The following UBE4B variants were observed in gnomAD, a reference collection of about 807,000 sequenced individuals.
UBE4B encodes ubiquitination factor E4B, also known as ubiquitin conjugation factor E4 B.
In UBE4B, 27 loss-of-function variants were observed where a neutral mutation model predicts 148.1. The observed-to-expected ratio is 0.18, with a 90% confidence interval of 0.13 to 0.25. The LOEUF is 0.25. Ranked by LOEUF, UBE4B falls within the 10% of genes least tolerant of loss-of-function variation. The pLI, the probability that UBE4B is intolerant of heterozygous loss-of-function variation, is 1.00. For synonymous variants in UBE4B, 596 were observed against 619.3 expected, an observed-to-expected ratio of 0.96 and a Z score of 0.56; for missense variants, 1,170 against 1,662.4, an observed-to-expected ratio of 0.70 and a Z score of 5.15.
At chr1:10,078,538 A>T (rs190323498) in intron 2 of UBE4B, among the ~76,000 whole-genome samples, 2 of 151,692 alleles carry the variant, frequency 1.3e-5, no homozygotes, top group African/African-American at 4.8e-5. Context: ...ATGATTTGTG[A>T]TTGCTTAATC....
In UBE4B at chr1:10,105,541, T is replaced by A; in HGVS notation, c.606T>A (p.Ile202=). ...TATTCTCCGATTTTAAGGACTTGATTGGCCAGATTTTAATGGAAGTGCTAA... is the reference window on the plus strand; with the variant it reads ...TATTCTCCGATTTTAAGGACTTGATAGGCCAGATTTTAATGGAAGTGCTAA... The part of the protein sequence containing the change: ...KEVFSDFKDL[I]GQILMEVLMM... Residue 202 remains isoleucine (I), a synonymous_variant, in exon 6 of 28, where the codon ATT becomes ATA. Transcript: ENST00000343090. The A allele has an allele frequency of 6.2e-7, 1 of 1,614,208 alleles. No homozygotes were observed. The highest frequency in any genetic ancestry group is 8.5e-7 in the Non-Finnish European group (1 of 1,180,044).
At chr1:10,165,755 A>G (rs1646237136) in intron 23 of UBE4B, among the ~76,000 whole-genome samples, 1 of 151,964 alleles carries the variant, frequency 6.6e-6, no homozygotes, top group South Asian at 2.1e-4. Context: ...TCCCTCAGGG[A>G]TACCTTCCCT....
At chr1:10,135,903 T>C (rs1645674728) in intron 16 of UBE4B, among the ~76,000 whole-genome samples, 1 of 152,134 alleles carries the variant, frequency 6.6e-6, no homozygotes, top group Non-Finnish European at 1.5e-5. Context: ...TGGTGATTCA[T>C]AGCAAAAAAT....
chr1:10,043,602 G>C (rs1441549581), intron 1 of UBE4B, among the ~76,000 whole-genome samples: 2 of 151,056 alleles, frequency 1.3e-5, no homozygotes, highest in African/African-American at 4.9e-5. Flanking sequence ...AATTTTTTTT[G>C]TATTTTTAGT....
chr1:10,048,728 C>T (rs760533819), intron 1 of UBE4B, among the ~76,000 whole-genome samples: 7 of 152,156 alleles, frequency 4.6e-5, no homozygotes, highest in Non-Finnish European at 1.0e-4. Context: ...GTTACCTTGA[C>T]AAGACTGATT....
chr1:10,103,726 G>A (rs985629874), intron 5 of UBE4B, among the ~76,000 whole-genome samples: 10 of 151,768 alleles, frequency 6.6e-5, no homozygotes, highest in African/African-American at 1.9e-4. Context: ...CACCTCCTGG[G>A]TTCAAGCAAT....
chr1:10,039,154 A>G (rs1393935650), intron 1 of UBE4B, among the ~76,000 whole-genome samples: 1 of 152,148 alleles, frequency 6.6e-6, no homozygotes, highest in Non-Finnish European at 1.5e-5. Flanking sequence ...GGAATCCAAC[A>G]GTTATAGAAT....
chr1:10,041,106 A>G (rs1399490749), intron 1 of UBE4B, among the ~76,000 whole-genome samples: 1 of 152,066 alleles, frequency 6.6e-6, no homozygotes, highest in African/African-American at 2.4e-5. Context: ...TAGACAAGAG[A>G]CAGAGAATGA....
chr1:10,095,896 T>C (rs577405027), intron 3 of UBE4B, among the ~76,000 whole-genome samples: 1 of 152,270 alleles, frequency 6.6e-6, no homozygotes, highest in Admixed American at 6.5e-5. Context: ...CTCAGCCACC[T>C]GAGTAGCTGG....
In UBE4B at chr1:10,042,044, C is replaced by G. The variant is rs1232079251; in HGVS notation, c.24+8350C>G. Among the ~76,000 whole-genome samples the G allele has an allele frequency of 2.0e-5, 3 of 152,304 alleles. No homozygotes were observed. In the East Asian group the frequency reaches 5.8e-4, roughly 29 times the overall value. ...CTGACTCCTGAATTCAAGCGATTCT[C>G]CTGGGTCAGCCCCTCGAGTATCTGG... On this transcript the variant is annotated intron_variant, in intron 1 of 27. Coordinates refer to ENST00000343090, the MANE Select transcript of UBE4B (RefSeq NM_001105562.3).
In UBE4B at chr1:10,161,898, G is replaced by A. The variant is rs77939321; in HGVS notation, c.3198+612G>A. Among the ~76,000 whole-genome samples the A allele has an allele frequency of 0.022, 3,421 of 152,102 alleles. 76 individuals are homozygous for A. The highest frequency in any genetic ancestry group is 0.075 in the South Asian group (361 of 4,814). Reference sequence around the variant, plus strand: ...CTGGTGACTTCTTAGATTGGCTTAGGTTTATTGATTCTGTTCTTGGAATTG... The same window carrying A: ...CTGGTGACTTCTTAGATTGGCTTAGATTTATTGATTCTGTTCTTGGAATTG... On this transcript the variant is annotated intron_variant, in intron 23 of 27. Coordinates refer to ENST00000343090, the MANE Select transcript of UBE4B (RefSeq NM_001105562.3). The surrounding 1 kb of genome is among the most constrained non-coding windows in gnomAD (Gnocchi z 4.1).
chr1:10,083,713 G>A (rs941137316), intron 2 of UBE4B, among the ~76,000 whole-genome samples: 1 of 152,126 alleles, frequency 6.6e-6, no homozygotes, highest in Non-Finnish European at 1.5e-5. Flanking sequence ...AGTTCAGGAG[G>A]CTCCTAGAAG....
intron 1 of UBE4B, among the ~76,000 whole-genome samples, chr1:10,037,553 G>A (rs573531307): frequency 3.9e-5 from 6 of 151,968 alleles, no homozygotes; most frequent in Non-Finnish European, 8.8e-5. Context: ...GTGGTGCTGT[G>A]AGTAGGTGGT....
intron 21 of UBE4B, among the ~76,000 whole-genome samples, chr1:10,153,744 TC>T (rs1490146124): frequency 6.6e-6 from 1 of 151,450 alleles, no homozygotes; most frequent in African/African-American, 2.4e-5. Context: ...GGTCAAGAGA[TC>T]GAGATGAGCC....
chr1:10,049,636 C>T (rs901629774), intron 1 of UBE4B, among the ~76,000 whole-genome samples: 1 of 151,826 alleles, frequency 6.6e-6, no homozygotes, highest in Non-Finnish European at 1.5e-5. Context: ...CATAGTGTCT[C>T]ATGCCTGTAA....
intron 1 of UBE4B, chr1:10,059,659 G>T: frequency 6.3e-6 from 1 of 158,632 alleles, no homozygotes. Flanking sequence ...GCCGAGGCGT[G>T]AAGGGCGGCA....
chr1:10,167,836 AC>A (rs1646277398), intron 23 of UBE4B, among the ~76,000 whole-genome samples: 1 of 151,916 alleles, frequency 6.6e-6, no homozygotes, highest in Non-Finnish European at 1.5e-5. Context: ...TGATTCGCCC[AC>A]CTTGGCTTCG....
rs1435841467 is a variant in UBE4B, at chr1:10,117,569, G to A, written c.1307G>A (p.Arg436Gln). 1.9e-6 allele frequency: 3 copies of A among 1,594,704 alleles called. No individual in the cohort carries two copies. Among genetic ancestry groups the A allele is most frequent in the East Asian group, 2.2e-5 (1 of 44,544 alleles). Residue 436 changes from arginine (R) to glutamine (Q), a missense_variant, in exon 8 of 28, where the codon CGA (arginine) becomes CAA (glutamine). By Grantham distance (43) the Arg-to-Gln change is conservative (BLOSUM62 1). Coordinates refer to ENST00000343090, the MANE Select transcript of UBE4B (RefSeq NM_001105562.3). The part of the protein sequence containing the change: ...MLNYLIECFD[R>Q]VGIEEKKAPK... ...AACTACCTCATCGAGTGTTTCGACCGAGTTGGAATAGAGGAAAAAAAAGCA... is the reference window on the plus strand; with the variant it reads ...AACTACCTCATCGAGTGTTTCGACCAAGTTGGAATAGAGGAAAAAAAAGCA...
intron 9 of UBE4B, among the ~76,000 whole-genome samples, chr1:10,121,358 A>G (rs921287711): frequency 8.5e-5 from 13 of 152,180 alleles, no homozygotes; most frequent in Admixed American, 5.2e-4. Flanking sequence ...CCATCTCTAA[A>G]AAACAACAAA....
Sources: allele counts gnomAD v4.1 joint callset (sites outside exome capture counted in the v4.1 genomes callset), GRCh38; gene constraint gnomAD v4.1.1; non-coding constraint Gnocchi (gnomAD v3.1); transcripts MANE v1.5; gene names NCBI Gene and HGNC (gene_info 2026-07-23, HGNC 2026-07-21).